IGSF9: variants seen among roughly 807,000 people sequenced by gnomAD.
IGSF9 encodes protein turtle homolog A.
A neutral mutation model predicts 121.7 loss-of-function variants in IGSF9; 87 were observed. The ratio of observed to expected loss-of-function variants is 0.71; its 90% CI spans 0.60 to 0.85. The LOEUF (loss-of-function observed/expected upper bound fraction) is 0.85, where lower values mean the gene tolerates loss of function less well. Among genes scored for constraint, IGSF9 ranks in the 40% least tolerant of loss-of-function variants. The probability of loss-of-function intolerance (pLI) is 0.00; values close to 1 mark genes in which losing one functional copy is unlikely to be tolerated. For missense variants in IGSF9, 1,462 were observed against 1,565.3 expected, an observed-to-expected ratio of 0.93 and a Z score of 1.11; for synonymous variants, 640 against 648.4, an observed-to-expected ratio of 0.99 and a Z score of 0.20.
In IGSF9 at chr1:159,928,239, G is replaced by A. The variant is rs776291910; in HGVS notation, c.3149C>T (p.Pro1050Leu). ...APSAGGSYLS[P>L]APGDTSSWAS... ...CCAGCTGCTGGTGTCTCCTGGAGCA[G>A]GGCTGAGGTAGCTGCCTCCTGCAGA... is the stretch of plus-strand genomic sequence containing the variant. Residue 1050 changes from proline to leucine, a missense_variant, in exon 19 of 21, where the codon CCT (proline) becomes CTT (leucine). By Grantham distance (98) the Pro-to-Leu change is moderately conservative. Around this residue, in one of 3 missense-constraint regions of IGSF9, gnomAD observed 808 missense variants for 815.2 expected, o/e 0.99. Transcript: ENST00000368094. 31 of 1,613,100 alleles carry A rather than the reference G, an allele frequency of 1.9e-5. No individual in the cohort carries two copies. The highest frequency in any genetic ancestry group is 1.5e-5 in the Non-Finnish European group (18 of 1,179,940).
At position 159,927,102 on chromosome 1, in the gene IGSF9, A is replaced by C; in HGVS notation, c.*243T>G. The stretch of plus-strand genomic sequence containing the variant: ...CACACACACACACACACACACAGAG[A>C]GAGAGAGAGAGAGAGAGAGAGAGAG... On this transcript the variant is annotated 3_prime_UTR_variant, in exon 21 of 21. Transcript: ENST00000368094. 4.9e-6 allele frequency: 2 copies of C among 410,404 alleles called. No individual in the cohort carries two copies. The highest frequency in any genetic ancestry group is 5.6e-5 in the South Asian group (2 of 35,536). The allele number at this position is 410,404 out of a possible 1,614,324, so 25.4% of individuals were successfully genotyped here. A position where few individuals can be genotyped will look rare whatever the true frequency, so the allele number is the denominator to read the frequency against.
In IGSF9 at chr1:159,941,594, C is replaced by T. The variant is rs539396095; in HGVS notation, c.247+1369G>A. The stretch of plus-strand genomic sequence containing the variant: ...CAGTGGCTTCAGGCCTGAGGGACCT[C>T]AAGGCAGGACACAAGCTGGAGAGAA... On this transcript the variant is annotated intron_variant, in intron 3 of 20. Coordinates refer to ENST00000368094, the MANE Select transcript of IGSF9 (RefSeq NM_001135050.2). 4.6e-5 allele frequency among the ~76,000 whole-genome samples: 7 copies of T among 152,376 alleles called. No homozygotes were observed. The South Asian group carries it at 1.0e-3, about 23-fold the overall frequency.
rs751782908 is a variant in IGSF9 at position 159,937,717 on chromosome 1, A to T, written c.369T>A (p.Ala123=). 1 of 1,613,968 alleles carries T rather than the reference A, an allele frequency of 6.2e-7. No individual in the cohort carries two copies. The highest frequency in any genetic ancestry group is 8.5e-7 in the Non-Finnish European group (1 of 1,179,896). The change falls in exon 4 of 21, where the codon GCT becomes GCA. Residue 123 remains alanine, a synonymous_variant. Coordinates refer to ENST00000368094, the MANE Select transcript of IGSF9 (RefSeq NM_001135050.2). ...CTGTCAGATGCACCCAGGAGCCGTTAGCAAAATCGTCTTCAGGGATGTGCT... is the reference window on the plus strand; with the variant it reads ...CTGTCAGATGCACCCAGGAGCCGTTTGCAAAATCGTCTTCAGGGATGTGCT... ...LDQHIPEDDF[A]NGSWVHLTVN...
Position 159,928,622 on chromosome 1 carries a change from G to C in IGSF9, c.2766C>G (p.Pro922=). The change falls in exon 19 of 21, where the codon CCC becomes CCG. Residue 922 remains proline (P), a synonymous_variant. Coordinates refer to ENST00000368094, the MANE Select transcript of IGSF9 (RefSeq NM_001135050.2). ...AGGGCAGGCTCAGGTACTGGAGCAG[G>C]GGTCCAGGACCTGGCAAGGGACTGG... The part of the protein sequence containing the change: ...APPSPLPGPG[P]LLQYLSLPFF... The C allele has an allele frequency of 6.7e-7, 1 of 1,493,378 alleles. No individual in the cohort carries two copies. Among genetic ancestry groups the C allele is most frequent in the Non-Finnish European group, 8.9e-7 (1 of 1,119,896 alleles). 92.5% of individuals were successfully genotyped at this position (1,493,378 alleles called of 1,614,324 possible).
At position 159,931,543 on chromosome 1, in the gene IGSF9, G is replaced by A. The variant is rs1234184649; in HGVS notation, c.1423C>T (p.Pro475Ser). The change falls in exon 12 of 21, where the codon CCA becomes TCA. Residue 475 changes from proline to serine, a missense_variant. This residue lies in a region of IGSF9 where 96 missense variants were observed against 150.7 expected (regional missense o/e 0.64). Transcript: ENST00000368094. This position sits in a 1 kb window ranked among gnomAD's most constrained non-coding sequence, Gnocchi z 4.8. ...TGCCCGTGGGCCTCCTTGGTCAATG[G>A]TCGCAGGATGAGGCTGCTGTTGCTG... is the stretch of plus-strand genomic sequence containing the variant. Reference protein sequence around the residue: ...VDSNSSLILRPLTKEAHGHWE... With the variant: ...VDSNSSLILRSLTKEAHGHWE... 6 of 1,614,146 alleles carry A rather than the reference G, an allele frequency of 3.7e-6. No individual in the cohort carries two copies. Among genetic ancestry groups the A allele is most frequent in the African/African-American group, 1.3e-5 (1 of 75,044 alleles).
At chr1:159,938,326 C>T (rs1034353055) in intron 3 of IGSF9, among the ~76,000 whole-genome samples, 12 of 152,152 alleles carry the variant, frequency 7.9e-5, no homozygotes, top group African/African-American at 2.9e-4. Flanking sequence ...TGCCAAAGCC[C>T]CTAATCCCTC....
chr1:159,930,256 C>T lies in IGSF9; in HGVS notation c.1997G>A (p.Gly666Asp). The change falls in exon 15 of 21, where the codon GGC (glycine) becomes GAC (aspartate). Residue 666 changes from glycine to aspartate, a missense_variant. Gly to Asp is a moderately conservative substitution (Grantham distance 94). This residue lies in a region of IGSF9 where 808 missense variants were observed against 815.2 expected (regional missense o/e 0.99). Transcript: ENST00000368094. ...YVLEGRQGSQ[G>D]WEVLDPAVAG... is the part of the protein sequence containing the mutation. ...CACAGCCGGGTCCAGCACCTCCCAGCCCTGGGAGCCTTGCCGGCCTTCCAA... is the reference window on the plus strand; with the variant it reads ...CACAGCCGGGTCCAGCACCTCCCAGTCCTGGGAGCCTTGCCGGCCTTCCAA... 1 of 1,613,918 alleles carries T rather than the reference C, an allele frequency of 6.2e-7. No homozygotes were observed. Among genetic ancestry groups the T allele is most frequent in the South Asian group, 1.1e-5 (1 of 91,074 alleles).
At chr1:159,942,788 A>G (rs550541560) in intron 3 of IGSF9, among the ~76,000 whole-genome samples, 175 bp downstream of exon 3, 2 of 152,184 alleles carry the variant, frequency 1.3e-5, no homozygotes, top group Admixed American at 1.3e-4. Context: ...GAATCTTTCA[A>G]TGAATTAACA....
intron 17 of IGSF9, 27 bp downstream of exon 17, chr1:159,929,611 A>G: frequency 6.3e-7 from 1 of 1,583,170 alleles, no homozygotes; most frequent in Non-Finnish European, 8.6e-7. Context: ...AGTGCGCAGT[A>G]GCAGGGCTGA....
In IGSF9 at chr1:159,930,200, C is replaced by A; in HGVS notation, c.2053G>T (p.Gly685Cys). ...CCTTTCGCACATACCTTGATGAGGCCTGGCACCAGCAGCTCTGTTTCTGTG... is the reference window on the plus strand; with the variant it reads ...CCTTTCGCACATACCTTGATGAGGCATGGCACCAGCAGCTCTGTTTCTGTG... ...AGTETELLVP[G>C]LIKDVLYEFR... Residue 685 changes from glycine (G) to cysteine (C), a missense_variant, in exon 15 of 21, where the codon GGC becomes TGC. By Grantham distance (159) the Gly-to-Cys change is radical. Coordinates refer to ENST00000368094, the MANE Select transcript of IGSF9 (RefSeq NM_001135050.2). 6.2e-7 allele frequency: 1 copy of A among 1,609,330 alleles called. No homozygotes were observed. Among genetic ancestry groups the A allele is most frequent in the Non-Finnish European group, 8.5e-7 (1 of 1,177,338 alleles).
Position 159,943,386 on chromosome 1 carries a change from G to A in IGSF9, c.58+11C>T. On this transcript the variant is annotated intron_variant, in intron 2 of 20. Coordinates refer to ENST00000368094, the MANE Select transcript of IGSF9 (RefSeq NM_001135050.2). ...TAACAGGGCATTCTTGAGCCCAAGA[G>A]CTCAGCTTACCGTCAGCCCCCTGGC... The A allele has an allele frequency of 6.3e-7, 1 of 1,574,992 alleles. No individual in the cohort carries two copies. The highest frequency in any genetic ancestry group is 1.8e-5 in the Admixed American group (1 of 54,220).
chr1:159,942,890 G>GC (rs1384019236), intron 3 of IGSF9, 73 bp downstream of exon 3: 14 of 1,258,242 alleles, frequency 1.1e-5, no homozygotes, highest in South Asian at 2.5e-5. Flanking sequence ...TTCATAGGAG[G>GC]CCTTGTGCGA....
chr1:159,927,167 A>G lies in IGSF9; in HGVS notation c.*178T>C. 1.5e-6 allele frequency: 1 copy of G among 674,858 alleles called. No homozygotes were observed. The highest frequency in any genetic ancestry group is 2.6e-6 in the Non-Finnish European group (1 of 387,244). The allele number at this position is 674,858 out of a possible 1,614,324, so 41.8% of individuals were successfully genotyped here. A position where few individuals can be genotyped will look rare whatever the true frequency, so the allele number is the denominator to read the frequency against. On this transcript the variant is annotated 3_prime_UTR_variant, in exon 21 of 21. Coordinates refer to ENST00000368094, the MANE Select transcript of IGSF9 (RefSeq NM_001135050.2). ...GATCCCTGTTCCAATCCCCAGACTCACCTAGGGGGTCAGCACATACATTCC... is the reference window on the plus strand; with the variant it reads ...GATCCCTGTTCCAATCCCCAGACTCGCCTAGGGGGTCAGCACATACATTCC...
Position 159,928,270 on chromosome 1 carries a change from C to G in IGSF9, c.3118G>C (p.Ala1040Pro), listed in dbSNP as rs1251355149. 3.1e-6 allele frequency: 5 copies of G among 1,612,942 alleles called. No individual in the cohort carries two copies. Among genetic ancestry groups the G allele is most frequent in the Non-Finnish European group, 4.2e-6 (5 of 1,179,888 alleles). The change falls in exon 19 of 21, where the codon GCC becomes CCC. Residue 1040 changes from alanine to proline, a missense_variant. Ala to Pro is a conservative substitution (Grantham distance 27, BLOSUM62 -1). Around this residue, in one of 3 missense-constraint regions of IGSF9, gnomAD observed 808 missense variants for 815.2 expected, o/e 0.99. Transcript: ENST00000368094. ...SASFLRPPSTAPSAGGSYLSP... is the reference protein window; with the variant it reads ...SASFLRPPSTPPSAGGSYLSP... ...AGGTAGCTGCCTCCTGCAGAGGGGG[C>G]TGTGGAGGGGGGCCGCAGGAACGAA...
At chr1:159,945,352 AC>A (rs1208580649) in intron 1 of IGSF9, among the ~76,000 whole-genome samples, 2 of 151,008 alleles carry the variant, frequency 1.3e-5, no homozygotes, top group East Asian at 3.9e-4. Context: ...TTCTCTTAGA[AC>A]CCACCAAGAA....
rs755054984 is a variant in IGSF9, at chr1:159,927,900, A to T, written c.3231-13T>A. 3.7e-5 allele frequency: 60 copies of T among 1,605,014 alleles called. No homozygotes were observed. In the East Asian group the frequency reaches 1.3e-3, roughly 36 times the overall value. ...AGATGTGTTCCTCCTGTAAAAAAAA[A>T]AAAAAAGACAAACATATGGTGTGGG... is the stretch of plus-strand genomic sequence containing the variant. On this transcript the variant is annotated splice_polypyrimidine_tract_variant and intron_variant, in intron 19 of 20. Coordinates refer to ENST00000368094, the MANE Select transcript of IGSF9 (RefSeq NM_001135050.2).
rs1651554024 is a variant in IGSF9, at chr1:159,945,578, C to T, written c.-180G>A. 1.3e-5 allele frequency: 2 copies of T among 152,256 alleles called. No individual in the cohort carries two copies. The highest frequency in any genetic ancestry group is 2.9e-5 in the Non-Finnish European group (2 of 68,116). The allele number at this position is 152,256 out of a possible 1,614,324, so 9.4% of individuals were successfully genotyped here. On this transcript the variant is annotated 5_prime_UTR_variant, in exon 1 of 21. Coordinates refer to ENST00000368094, the MANE Select transcript of IGSF9 (RefSeq NM_001135050.2). ...CAGTACGCCCCCTCCCTCACCTGCT[C>T]CGCACCGCTCGGCTCCACTCTCGCC...
chr1:159,928,655 T>C lies in IGSF9; in HGVS notation c.2733A>G (p.Ala911=). ...EDISPVAPPP[A]APPSPLPGPG... ...GACCTGGCAAGGGACTGGGTGGGGC[T>C]GCTGGAGGGGGTGCCACAGGGCTGA... Residue 911 remains alanine (A), a synonymous_variant, in exon 19 of 21, where the codon GCA becomes GCG. Transcript: ENST00000368094. The C allele has an allele frequency of 6.8e-7, 1 of 1,479,312 alleles. No homozygotes were observed. The highest frequency in any genetic ancestry group is 9.0e-7 in the Non-Finnish European group (1 of 1,113,510). The allele number at this position is 1,479,312 out of a possible 1,614,324, so 91.6% of individuals were successfully genotyped here.
intron 3 of IGSF9, among the ~76,000 whole-genome samples, chr1:159,942,726 A>G (rs1053096209): frequency 6.8e-6 from 1 of 146,628 alleles, no homozygotes; most frequent in Admixed American, 6.8e-5. Flanking sequence ...CCTAAATAGC[A>G]CAGCTATAAG....
Sources: allele counts gnomAD v4.1 joint callset (sites outside exome capture counted in the v4.1 genomes callset), GRCh38; gene constraint gnomAD v4.1.1; regional missense constraint gnomAD v4.1.1; non-coding constraint Gnocchi (gnomAD v3.1); transcripts MANE v1.5; gene names NCBI Gene and HGNC (gene_info 2026-07-23, HGNC 2026-07-21).